The following MPC2 variants were observed in gnomAD, a reference collection of about 807,000 sequenced individuals.
MPC2 encodes the protein brain protein 44.
Under a neutral mutation model 19.2 loss-of-function variants are expected in MPC2, and 19 were observed. The ratio of observed to expected loss-of-function variants is 0.99; its 90% CI spans 0.69 to 1.45. The LOEUF (loss-of-function observed/expected upper bound fraction) is 1.45, where lower values mean the gene tolerates loss of function less well. Among genes scored for constraint, MPC2 ranks in the 40% most tolerant of loss-of-function variants. The pLI is 0.00. For missense variants in MPC2, 122 were observed against 153.0 expected (o/e 0.80, Z 1.07); for synonymous variants, 61 against 54.3 (o/e 1.12, Z -0.54).
Position 167,919,921 on chromosome 1 carries a change from A to T in MPC2, c.347+58T>A, listed in dbSNP as rs75981218. On this transcript the variant is annotated intron_variant, in intron 5 of 5. Coordinates refer to ENST00000271373, the MANE Select transcript of MPC2 (RefSeq NM_001143674.4). ...AGACCCCGTCTCAAAAAAAAAAAAAATTAGTGCCATCTAAGTAGCTTTTGC... is the reference window on the plus strand; with the variant it reads ...AGACCCCGTCTCAAAAAAAAAAAAATTTAGTGCCATCTAAGTAGCTTTTGC... The T allele has an allele frequency of 9.2e-6, 12 of 1,298,116 alleles. No individual in the cohort carries two copies. The African/African-American group carries it at 1.2e-4, about 13-fold the overall frequency. 80.4% of individuals were successfully genotyped at this position (1,298,116 alleles called of 1,614,324 possible).
intron 1 of MPC2, 35 bp downstream of exon 1, chr1:167,936,904 G>C: frequency 6.3e-7 from 1 of 1,594,204 alleles, no homozygotes; most frequent in Non-Finnish European, 8.5e-7. Context: ...CCCGGCTCAG[G>C]CAGAGCCATG....
At position 167,933,655 on chromosome 1, in the gene MPC2, C is replaced by T. The variant is rs145441246; in HGVS notation, c.109+2078G>A. Among the ~76,000 whole-genome samples, 854 of 152,232 alleles carry T rather than the reference C, an allele frequency of 5.6e-3. 8 individuals are homozygous for T. Among genetic ancestry groups the T allele is most frequent in the African/African-American group, 0.019 (806 of 41,528 alleles). Reference sequence around the variant, plus strand: ...CAATTCAATAACAAATACTGTTAGGCAAAATAGTATGCAAAATCCTTGAAT... The same window carrying T: ...CAATTCAATAACAAATACTGTTAGGTAAAATAGTATGCAAAATCCTTGAAT... On this transcript the variant is annotated intron_variant, in intron 2 of 5. Coordinates refer to ENST00000271373, the MANE Select transcript of MPC2 (RefSeq NM_001143674.4).
At chr1:167,918,413 G>A in intron 5 of MPC2, 54 bp from the exon 6 acceptor site, 8 of 1,168,906 alleles carry the variant, frequency 6.8e-6, no homozygotes, top group Non-Finnish European at 9.9e-6. Context: ...ACAAATTTAT[G>A]GTAAGGAGAG....
chr1:167,931,301 T>C (rs1162739902), intron 2 of MPC2, among the ~76,000 whole-genome samples: 1 of 152,202 alleles, frequency 6.6e-6, no homozygotes, highest in Non-Finnish European at 1.5e-5. Flanking sequence ...TTTTATCCAC[T>C]GCTTTATCCT....
At chr1:167,921,058 T>C (rs1462609511) in intron 3 of MPC2, among the ~76,000 whole-genome samples, 1 of 152,166 alleles carries the variant, frequency 6.6e-6, no homozygotes, top group African/African-American at 2.4e-5. Context: ...TCCTTTGATG[T>C]TTTCTGCCAA....
chr1:167,928,528 A>G (rs964050342), intron 2 of MPC2, among the ~76,000 whole-genome samples: 1 of 152,226 alleles, frequency 6.6e-6, no homozygotes, highest in African/African-American at 2.4e-5. Context: ...CAATTGATCA[A>G]CAGTGGATAT....
At chr1:167,921,730 A>T (rs866628140) in intron 3 of MPC2, among the ~76,000 whole-genome samples, 55 of 151,684 alleles carry the variant, frequency 3.6e-4, no homozygotes, top group Admixed American at 7.9e-4. Flanking sequence ...GTTTTTTTTT[A>T]AAAAAACTAA....
rs967702189 is a variant in MPC2 at position 167,917,774 on chromosome 1, A to G, written c.*549T>C. 3 of 152,326 alleles carry G rather than the reference A, an allele frequency of 2.0e-5. No homozygotes were observed. Among genetic ancestry groups the G allele is most frequent in the African/African-American group, 7.2e-5 (3 of 41,452 alleles). The allele number at this position is 152,326 out of a possible 1,614,324, so 9.4% of individuals were successfully genotyped here. ...TTAAAACATTATCTCATTAATCTTT[A>G]CAATGATCCTATTTAAAAATCTGTA... On this transcript the variant is annotated 3_prime_UTR_variant, in exon 6 of 6. Coordinates refer to ENST00000271373, the MANE Select transcript of MPC2 (RefSeq NM_001143674.4).
chr1:167,935,047 G>C (rs182595807), intron 2 of MPC2, among the ~76,000 whole-genome samples: 1 of 152,120 alleles, frequency 6.6e-6, no homozygotes, highest in African/African-American at 2.4e-5. Context: ...CTCATAGACC[G>C]CGTATTACAC....
rs1261313853 is a variant in MPC2, at chr1:167,925,624, G to A, written c.110-1087C>T. Among the ~76,000 whole-genome samples the A allele has an allele frequency of 7.1e-4, 101 of 142,658 alleles. 1 individual carries two copies. The highest frequency in any genetic ancestry group is 2.5e-4 in the Non-Finnish European group (17 of 66,672). The allele number at this position is 142,658 out of a possible 152,430, so 93.6% of individuals were successfully genotyped here. A position where few individuals can be genotyped will look rare whatever the true frequency, so the allele number is the denominator to read the frequency against. On this transcript the variant is annotated intron_variant, in intron 2 of 5. Coordinates refer to ENST00000271373, the MANE Select transcript of MPC2 (RefSeq NM_001143674.4). ...TGCAATGGCACAATCTCGGCTCACT[G>A]CAACCTCCACCTCCCGGGTTCAAGT...
Position 167,935,511 on chromosome 1 carries a change from T to C in MPC2, c.109+222A>G, listed in dbSNP as rs556350209. On this transcript the variant is annotated intron_variant, in intron 2 of 5. Coordinates refer to ENST00000271373, the MANE Select transcript of MPC2 (RefSeq NM_001143674.4). ...CGTGCGTAAGGGAGCGGATGTCACA[T>C]AGGTGGGGAAGGGAGCTGACTTGAG... 7.7e-4 allele frequency among the ~76,000 whole-genome samples: 117 copies of C among 152,102 alleles called. No homozygotes were observed. In the Middle Eastern group the frequency reaches 0.017, roughly 22 times the overall value.
In MPC2 at chr1:167,917,867, T is replaced by G. The variant is rs993024584; in HGVS notation, c.*456A>C. The G allele has an allele frequency of 3.3e-5, 5 of 152,768 alleles. No individual in the cohort carries two copies. The highest frequency in any genetic ancestry group is 2.1e-4 in the South Asian group (1 of 4,858). The allele number at this position is 152,768 out of a possible 1,614,324, so 9.5% of individuals were successfully genotyped here. A position where few individuals can be genotyped will look rare whatever the true frequency, so the allele number is the denominator to read the frequency against. Reference sequence around the variant, plus strand: ...AGATTCTTCATGGCAAGTTAAAATGTTTTTAAATAGTTTGAGGTCATCTTG... The same window carrying G: ...AGATTCTTCATGGCAAGTTAAAATGGTTTTAAATAGTTTGAGGTCATCTTG... On this transcript the variant is annotated 3_prime_UTR_variant, in exon 6 of 6. Transcript: ENST00000271373.
intron 3 of MPC2, among the ~76,000 whole-genome samples, chr1:167,922,284 T>C (rs1384601780): frequency 2.6e-5 from 4 of 152,156 alleles, no homozygotes; most frequent in African/African-American, 4.8e-5. Flanking sequence ...CAAGAAGGCA[T>C]TTATGAGTAT....
rs1487197899 is a variant in MPC2, at chr1:167,917,507, A to C, written c.*816T>G. On this transcript the variant is annotated 3_prime_UTR_variant, in exon 6 of 6. Coordinates refer to ENST00000271373, the MANE Select transcript of MPC2 (RefSeq NM_001143674.4). ...CAGCTGCTCGGGAGGCTGAGGCAGG[A>C]GGATCACTTGAGCCCAGGAGGTAGG... The C allele has an allele frequency of 6.6e-6, 1 of 150,486 alleles. No individual in the cohort carries two copies. The highest frequency in any genetic ancestry group is 2.0e-4 in the East Asian group (1 of 5,046). 9.3% of individuals were successfully genotyped at this position (150,486 alleles called of 1,614,324 possible).
chr1:167,925,440 C>CATATAT (rs1387347595), intron 2 of MPC2, among the ~76,000 whole-genome samples: 23 of 49,644 alleles, frequency 4.6e-4, no homozygotes, highest in East Asian at 3.2e-3. Flanking sequence ...TATACATATA[C>CATATAT]ACATATATAT....
At chr1:167,936,155 T>G in intron 1 of MPC2, 1 of 321,792 alleles carries the variant, frequency 3.1e-6, no homozygotes, top group Non-Finnish European at 5.9e-6. Context: ...TGCGCCCTGC[T>G]GGCAGCGCGC....
intron 3 of MPC2, 41 bp downstream of exon 3, chr1:167,924,456 A>G (rs1670681775): frequency 6.5e-7 from 1 of 1,543,908 alleles, no homozygotes; most frequent in Non-Finnish European, 8.8e-7. Context: ...CCTATTAAGG[A>G]ATTTGTCTTT....
chr1:167,925,534 GTTTT>G (rs1397078194), intron 2 of MPC2, among the ~76,000 whole-genome samples: 65 of 77,540 alleles, frequency 8.4e-4, no homozygotes, highest in Non-Finnish European at 1.6e-3. Flanking sequence ...TTTTTTTTTG[GTTTT>G]TTTTTTGGTT....
rs919900851 is a variant in MPC2, at chr1:167,921,661, T to C, written c.151-1030A>G. 3.3e-5 allele frequency among the ~76,000 whole-genome samples: 5 copies of C among 152,212 alleles called. No individual in the cohort carries two copies. In the East Asian group the frequency reaches 9.6e-4, roughly 29 times the overall value. The stretch of plus-strand genomic sequence containing the variant: ...TATTTTTACCAAGTCACTATGTTTG[T>C]CCCCAATCTATTTATGCCAGTTTTA... On this transcript the variant is annotated intron_variant, in intron 3 of 5. Coordinates refer to ENST00000271373, the MANE Select transcript of MPC2 (RefSeq NM_001143674.4).
Sources: gnomAD v4.1 joint callset for allele counts (sites outside exome capture counted in the v4.1 genomes callset) on GRCh38, gnomAD v4.1.1 for gene constraint, MANE v1.5 for transcripts, NCBI Gene and HGNC (gene_info 2026-07-23, HGNC 2026-07-21) for gene names.